The following CADM2 variants were observed in gnomAD, a reference collection of about 807,000 sequenced individuals.
CADM2 encodes immunoglobulin superfamily member 4D.
CADM2 carries 12 observed loss-of-function variants against 49.8 expected under a neutral mutation model. The ratio of observed to expected loss-of-function variants is 0.24; its 90% CI spans 0.15 to 0.39. CADM2 has a LOEUF of 0.39. Among genes scored for constraint, CADM2 ranks in the 10% least tolerant of loss-of-function variants. The pLI, the probability that CADM2 is intolerant of heterozygous loss-of-function variation, is 1.00. For missense variants in CADM2, 378 were observed against 492.3 expected (o/e 0.77, Z 2.20); for synonymous variants, 214 against 175.4 (o/e 1.22, Z -1.74).
At chr3:85,184,298 G>A (rs1434462042) in intron 1 of CADM2, among the ~76,000 whole-genome samples, 1 of 152,128 alleles carries the variant, frequency 6.6e-6, no homozygotes, top group Non-Finnish European at 1.5e-5. Context: ...AACTGCAGAA[G>A]TAGGCAACTC....
At chr3:85,792,166 A>G (rs2071375410) in intron 2 of CADM2, among the ~76,000 whole-genome samples, 1 of 152,232 alleles carries the variant, frequency 6.6e-6, no homozygotes, top group South Asian at 2.1e-4. Flanking sequence ...AGAACAAAAA[A>G]ATATTTTAAA....
chr3:86,014,377 T>C, intron 8 of CADM2: 3 of 1,442,094 alleles, frequency 2.1e-6, no homozygotes, highest in Non-Finnish European at 2.8e-6. Flanking sequence ...GCTGGTAGCT[T>C]GACTGTAGTA....
At chr3:85,991,717 T>G (rs1008699150) in intron 8 of CADM2, among the ~76,000 whole-genome samples, 16 of 152,154 alleles carry the variant, frequency 1.1e-4, no homozygotes, top group African/African-American at 3.9e-4. Flanking sequence ...GCTGATATTC[T>G]AAATACGAGA....
At chr3:85,412,320 A>G (rs545168511) in intron 1 of CADM2, among the ~76,000 whole-genome samples, 4 of 152,198 alleles carry the variant, frequency 2.6e-5, no homozygotes, top group Non-Finnish European at 5.9e-5. Context: ...GTATTTCACT[A>G]TTTCTAATGT....
intron 1 of CADM2, among the ~76,000 whole-genome samples, chr3:85,267,959 G>A (rs1186972816): frequency 6.6e-6 from 1 of 151,636 alleles, no homozygotes; most frequent in South Asian, 2.1e-4. Context: ...CTCCTACAAT[G>A]TATTAGGCAC....
chr3:86,027,370 CTG>C (rs1323678837), intron 8 of CADM2, among the ~76,000 whole-genome samples: 1 of 152,270 alleles, frequency 6.6e-6, no homozygotes, highest in Non-Finnish European at 1.5e-5. Context: ...ATAAACCAAA[CTG>C]AGGAAAACCT....
intron 1 of CADM2, among the ~76,000 whole-genome samples, chr3:85,118,635 T>C (rs1385673046): frequency 1.3e-5 from 2 of 152,172 alleles, no homozygotes; most frequent in Admixed American, 6.5e-5. Flanking sequence ...CATGTGGGAA[T>C]TGTGGGAGCT....
chr3:84,961,637 T>C (rs114910332), intron 1 of CADM2, among the ~76,000 whole-genome samples: 8,687 of 151,720 alleles, frequency 0.057, 872 homozygotes, highest in African/African-American at 0.2. Context: ...TGTGTGTGTG[T>C]GCGCGCGCGC....
intron 1 of CADM2, among the ~76,000 whole-genome samples, chr3:85,501,858 T>C (rs988650456): frequency 7.9e-5 from 12 of 152,166 alleles, no homozygotes; most frequent in Non-Finnish European, 1.3e-4. Flanking sequence ...TGTAAATTTT[T>C]TGAAAAGCCA....
chr3:85,028,925 A>G (rs1296843728), intron 1 of CADM2, among the ~76,000 whole-genome samples: 1 of 151,716 alleles, frequency 6.6e-6, no homozygotes, highest in Non-Finnish European at 1.5e-5. Flanking sequence ...TGATATTCCA[A>G]TTTATTCACA....
intron 8 of CADM2, among the ~76,000 whole-genome samples, chr3:86,000,380 C>T (rs1730028595): frequency 6.6e-6 from 1 of 152,096 alleles, no homozygotes; most frequent in Admixed American, 6.6e-5. Context: ...TCATTCATTC[C>T]TTGAATAATT....
At chr3:84,975,586 T>A (rs146850701) in intron 1 of CADM2, among the ~76,000 whole-genome samples, 7 of 151,904 alleles carry the variant, frequency 4.6e-5, no homozygotes, top group African/African-American at 1.7e-4. Flanking sequence ...TCATTTTGAG[T>A]GGGGAAAGGT....
chr3:85,245,524 A>G (rs887078898), intron 1 of CADM2, among the ~76,000 whole-genome samples: 8 of 150,642 alleles, frequency 5.3e-5, no homozygotes, highest in Admixed American at 6.6e-5. Context: ...AAAAAAAAAG[A>G]TAATAATAAT....
At chr3:85,730,537 T>C (rs2067888547) in intron 2 of CADM2, among the ~76,000 whole-genome samples, 1 of 152,166 alleles carries the variant, frequency 6.6e-6, no homozygotes, top group South Asian at 2.1e-4. Flanking sequence ...GTCTCCTGAT[T>C]CAATTCTCAA....
At chr3:85,317,746 C>T (rs2044502083) in intron 1 of CADM2, among the ~76,000 whole-genome samples, 1 of 152,190 alleles carries the variant, frequency 6.6e-6, no homozygotes, top group Non-Finnish European at 1.5e-5. Context: ...TCTCACAACA[C>T]TATTGCATTG....
At chr3:85,478,896 T>C (rs2039091666) in intron 1 of CADM2, among the ~76,000 whole-genome samples, 1 of 151,964 alleles carries the variant, frequency 6.6e-6, no homozygotes, top group African/African-American at 2.4e-5. Context: ...ATTTATCAGT[T>C]ACTCCTTTGA....
chr3:86,015,365 A>T (rs530681364), intron 8 of CADM2, among the ~76,000 whole-genome samples: 2 of 152,150 alleles, frequency 1.3e-5, no homozygotes, highest in African/African-American at 4.8e-5. Context: ...TGCTGATGGC[A>T]CTCTGGAATT....
At chr3:85,374,006 G>A (rs1205586351) in intron 1 of CADM2, among the ~76,000 whole-genome samples, 1 of 152,056 alleles carries the variant, frequency 6.6e-6, no homozygotes, top group African/African-American at 2.4e-5. Flanking sequence ...CCATTACCTT[G>A]GTGATAACAT....
At chr3:85,553,491 T>G (rs1391829731) in intron 1 of CADM2, among the ~76,000 whole-genome samples, 2 of 149,880 alleles carry the variant, frequency 1.3e-5, no homozygotes, top group East Asian at 4.1e-4. Flanking sequence ...ATACTTATTT[T>G]GGCCTCCATT....
Sources: allele counts gnomAD v4.1 joint callset (sites outside exome capture counted in the v4.1 genomes callset), GRCh38; gene constraint gnomAD v4.1.1; transcripts MANE v1.5; gene names NCBI Gene and HGNC (gene_info 2026-07-23, HGNC 2026-07-21).